Variants in DNM2 observed in about 807,000 individuals in gnomAD.
DNM2 encodes the protein dynamin-2.
A neutral mutation model predicts 99.0 loss-of-function variants in DNM2; 15 were observed. The ratio of observed to expected loss-of-function variants is 0.15; its 90% confidence interval spans 0.10 to 0.23. DNM2 has a LOEUF of 0.23. Ranked by LOEUF, DNM2 falls within the 10% of genes least tolerant of loss-of-function variation. The pLI is 1.00. For missense variants in DNM2, 742 were observed against 1,189.4 expected, an observed-to-expected ratio of 0.62 and a Z score of 5.53; for synonymous variants, 525 against 481.2, an observed-to-expected ratio of 1.09 and a Z score of -1.19.
At chr19:10,738,770 T>C (rs2069625652) in intron 1 of DNM2, among the ~76,000 whole-genome samples, 1 of 150,622 alleles carries the variant, frequency 6.6e-6, no homozygotes, top group South Asian at 2.1e-4. Flanking sequence ...CTTGGGAGGC[T>C]AAGGCAGGAG....
chr19:10,755,295 A>C (rs959038006), intron 1 of DNM2: 8 of 152,164 alleles, frequency 5.3e-5, no homozygotes, highest in African/African-American at 1.7e-4. Context: ...ATTGCATCAC[A>C]TGCTGCTCCT....
chr19:10,812,704 T>C lies in DNM2; in HGVS notation c.1671+327T>C, dbSNP rs1373487230. 2.6e-5 allele frequency among the ~76,000 whole-genome samples: 4 copies of C among 152,136 alleles called. No homozygotes were observed. The highest frequency in any genetic ancestry group is 2.6e-4 in the Admixed American group (4 of 15,272). ...CAGGAGGCTGAGGCAGGAGAATCGT[T>C]TGAACCCGGGAGGCGGAGGTTGCAG... is the stretch of plus-strand genomic sequence containing the variant. On this transcript the variant is annotated intron_variant, in intron 15 of 20. Transcript: ENST00000389253. The surrounding 1 kb of genome is among the most constrained non-coding windows in gnomAD (Gnocchi z 4.0).
At chr19:10,751,967 T>C (rs74596792) in intron 1 of DNM2, among the ~76,000 whole-genome samples, 15,665 of 152,304 alleles carry the variant, frequency 0.1, 1,259 homozygotes, top group East Asian at 0.37. Flanking sequence ...TTATTCCTGA[T>C]GCAAGTCCTG....
chr19:10,725,965 A>T (rs376136535), intron 1 of DNM2, among the ~76,000 whole-genome samples: 5 of 152,086 alleles, frequency 3.3e-5, no homozygotes, highest in Admixed American at 1.3e-4. Flanking sequence ...TCACACTTGT[A>T]TTCCCAGCAC....
chr19:10,776,990 G>A lies in DNM2; in HGVS notation c.590-128G>A, dbSNP rs1047947689. ...GGAAACTGGGGTCCAGGCCTGTGAC[G>A]TTCTGGCTTTCCCAGGTGATGTGAC... On this transcript the variant is annotated intron_variant, in intron 4 of 20. Coordinates refer to ENST00000389253, the MANE Select transcript of DNM2 (RefSeq NM_001005361.3). 35 of 856,378 alleles carry A rather than the reference G, an allele frequency of 4.1e-5. 1 individual carries two copies. Among genetic ancestry groups the A allele is most frequent in the African/African-American group, 3.7e-4 (22 of 60,074 alleles). 53.0% of individuals were successfully genotyped at this position (856,378 alleles called of 1,614,324 possible).
At chr19:10,718,899 G>A (rs999401504) in intron 1 of DNM2, among the ~76,000 whole-genome samples, 3 of 152,128 alleles carry the variant, frequency 2.0e-5, no homozygotes, top group Non-Finnish European at 4.4e-5. Context: ...CCACCATTTG[G>A]TTGTCCATCT....
intron 1 of DNM2, among the ~76,000 whole-genome samples, chr19:10,724,237 A>G (rs113942899): frequency 0.084 from 12,734 of 152,142 alleles, 563 homozygotes; most frequent in Middle Eastern, 0.11. Context: ...GAGTGCAGTC[A>G]CGCGATCTCG....
At chr19:10,786,207 C>T (rs1335710829) in intron 6 of DNM2, among the ~76,000 whole-genome samples, 3 of 152,210 alleles carry the variant, frequency 2.0e-5, no homozygotes, top group African/African-American at 7.2e-5. Flanking sequence ...ATCTTTCCAT[C>T]TTAGTTTGTA....
chr19:10,728,807 C>T (rs541698459), intron 1 of DNM2, among the ~76,000 whole-genome samples: 1 of 151,694 alleles, frequency 6.6e-6, no homozygotes, highest in Admixed American at 6.6e-5. Context: ...ATTAGCTGAG[C>T]ATGGTGGTAC....
At position 10,831,460 on chromosome 19, in the gene DNM2, G is replaced by A. The variant is rs1010634319; in HGVS notation, c.*413G>A. On this transcript the variant is annotated 3_prime_UTR_variant, in exon 21 of 21. Coordinates refer to ENST00000389253, the MANE Select transcript of DNM2 (RefSeq NM_001005361.3). This position sits in a 1 kb window ranked among gnomAD's most constrained non-coding sequence, Gnocchi z 4.3. ...CTACATCCCCAGGCCTTGCTGGGGT[G>A]CAGGGGTATATCAACTTCCCATTAG... is the stretch of plus-strand genomic sequence containing the variant. 3 of 999,716 alleles carry A rather than the reference G, an allele frequency of 3.0e-6. No homozygotes were observed. Among genetic ancestry groups the A allele is most frequent in the African/African-American group, 3.5e-5 (2 of 57,692 alleles). The allele number at this position is 999,716 out of a possible 1,614,324, so 61.9% of individuals were successfully genotyped here.
At chr19:10,792,588 A>G (rs1291900374) in intron 7 of DNM2, among the ~76,000 whole-genome samples, 1 of 152,116 alleles carries the variant, frequency 6.6e-6, no homozygotes, top group Non-Finnish European at 1.5e-5. Flanking sequence ...ATTGTTTACC[A>G]ACAAAAATTT....
intron 1 of DNM2, among the ~76,000 whole-genome samples, chr19:10,729,186 A>AAT (rs1568265475): frequency 4.0e-4 from 59 of 146,980 alleles, no homozygotes; most frequent in Non-Finnish European, 7.6e-4. Context: ...AAAAAAAAAA[A>AAT]AAAATATAAA....
chr19:10,783,000 G>A lies in DNM2; in HGVS notation c.729G>A (p.Glu243=), dbSNP rs1475712698. 2 of 1,614,158 alleles carry A rather than the reference G, an allele frequency of 1.2e-6. No individual in the cohort carries two copies. The highest frequency in any genetic ancestry group is 2.2e-5 in the East Asian group (1 of 44,880). ...GVVNRSQKDI[E]GKKDIRAALA... is the part of the protein sequence containing the mutation. ...TGAACCGCAGCCAGAAGGATATTGAGGGCAAGAAGGACATCCGTGCAGCAC... is the reference window on the plus strand; with the variant it reads ...TGAACCGCAGCCAGAAGGATATTGAAGGCAAGAAGGACATCCGTGCAGCAC... The change falls in exon 6 of 21, where the codon GAG becomes GAA. Residue 243 remains glutamate (E), a synonymous_variant. Transcript: ENST00000389253.
At chr19:10,806,391 G>T (rs879726830) in intron 13 of DNM2, among the ~76,000 whole-genome samples, 23 of 151,796 alleles carry the variant, frequency 1.5e-4, no homozygotes, top group Non-Finnish European at 2.9e-4. Context: ...TGGGAGTGGT[G>T]GGCTCATGCC....
intron 18 of DNM2, among the ~76,000 whole-genome samples, chr19:10,825,961 G>A (rs529566202): frequency 6.6e-6 from 1 of 150,760 alleles, no homozygotes; most frequent in South Asian, 2.1e-4. Flanking sequence ...CTTGAGCCCA[G>A]GAGGTTGAGG....
At chr19:10,813,905 G>A (rs143573106) in intron 15 of DNM2, among the ~76,000 whole-genome samples, 7 of 151,590 alleles carry the variant, frequency 4.6e-5, no homozygotes, top group Non-Finnish European at 7.4e-5. Flanking sequence ...GCTCATGCCT[G>A]TAATCTTAGC....
chr19:10,718,255 G>C lies in DNM2; in HGVS notation c.13G>C (p.Gly5Arg). The change falls in exon 1 of 21, where the codon GGG becomes CGG. Residue 5 changes from glycine to arginine, a missense_variant. Transcript: ENST00000389253. MGNRGMEELIPLVNK... is the reference protein window; with the variant it reads MGNRRMEELIPLVNK... ...GGCCGCCGGCGCCATGGGCAACCGC[G>C]GGATGGAAGAGCTGATCCCGCTGGT... 1 of 1,484,332 alleles carries C rather than the reference G, an allele frequency of 6.7e-7. No individual in the cohort carries two copies. Among genetic ancestry groups the C allele is most frequent in the Non-Finnish European group, 9.0e-7 (1 of 1,115,614 alleles). 91.9% of individuals were successfully genotyped at this position (1,484,332 alleles called of 1,614,324 possible).
chr19:10,728,722 C>A (rs1050518165), intron 1 of DNM2, among the ~76,000 whole-genome samples: 1 of 152,022 alleles, frequency 6.6e-6, no homozygotes, highest in Non-Finnish European at 1.5e-5. Context: ...CCAAGGCGGG[C>A]AGATCACTTG....
chr19:10,798,380 C>T (rs1258802257), intron 10 of DNM2, 106 bp from the exon 11 acceptor site: 6 of 700,674 alleles, frequency 8.6e-6, no homozygotes, highest in African/African-American at 6.0e-5. Flanking sequence ...TGGGCCCCCT[C>T]ATATCTCATT....
Sources: gnomAD v4.1 joint callset for allele counts (sites outside exome capture counted in the v4.1 genomes callset) on GRCh38, gnomAD v4.1.1 for gene constraint, Gnocchi (gnomAD v3.1) non-coding constraint, MANE v1.5 for transcripts, NCBI Gene and HGNC (gene_info 2026-07-23, HGNC 2026-07-21) for gene names.